CCN6: variants seen among roughly 807,000 people sequenced by gnomAD.
CCN6 encodes the protein CCN family member 6.
In CCN6, 31 loss-of-function variants were observed where a neutral mutation model predicts 37.4. The ratio of observed to expected loss-of-function variants is 0.83; its 90% CI spans 0.62 to 1.12. The LOEUF (loss-of-function observed/expected upper bound fraction) is 1.12, where lower values mean the gene tolerates loss of function less well. CCN6 is among the 50% of genes most tolerant of loss of function. CCN6 has a pLI of 0.00. For missense variants in CCN6, 369 were observed against 413.8 expected, an observed-to-expected ratio of 0.89 and a Z score of 0.94; for synonymous variants, 137 against 142.1, an observed-to-expected ratio of 0.96 and a Z score of 0.26.
At chr6:112,066,822 T>G in intron 3 of CCN6, 1 of 518,280 alleles carries the variant, frequency 1.9e-6, no homozygotes, top group Admixed American at 3.7e-5. Flanking sequence ...CTTTTTTCAA[T>G]GCTCACCAAA....
chr6:112,055,071 A>G (rs1554311554), intron 1 of CCN6, among the ~76,000 whole-genome samples: 1 of 152,216 alleles, frequency 6.6e-6, no homozygotes, highest in Non-Finnish European at 1.5e-5. Flanking sequence ...TTAATTGTTG[A>G]TTTATTTACA....
In CCN6 at chr6:112,055,154, G is replaced by C. The variant is rs983758589; in HGVS notation, c.48+749G>C. Among the ~76,000 whole-genome samples, 43 of 152,232 alleles carry C rather than the reference G, an allele frequency of 2.8e-4. 1 individual carries two copies. Among genetic ancestry groups the C allele is most frequent in the Non-Finnish European group, 5.9e-5 (4 of 68,036 alleles). The stretch of plus-strand genomic sequence containing the variant: ...TGGGTGTGTCTGTGAGTTAGTAGTT[G>C]ATTGGGGCCATAAGTAGTAGATACA... On this transcript the variant is annotated intron_variant, in intron 1 of 4. Coordinates refer to ENST00000368666, the MANE Select transcript of CCN6 (RefSeq NM_198239.2).
chr6:112,054,311 A>G lies in CCN6; in HGVS notation c.-47A>G. The G allele has an allele frequency of 6.2e-7, 1 of 1,614,030 alleles. No individual in the cohort carries two copies. Among genetic ancestry groups the G allele is most frequent in the Admixed American group, 1.7e-5 (1 of 60,010 alleles). ...CTTTGTGTACCCGGAGCAATGAACA[A>G]GCGGCGACTTCTCTACCCCTCAGGG... On this transcript the variant is annotated 5_prime_UTR_variant, in exon 1 of 5. Coordinates refer to ENST00000368666, the MANE Select transcript of CCN6 (RefSeq NM_198239.2).
chr6:112,061,090 T>C lies in CCN6; in HGVS notation c.148T>C (p.Trp50Arg), dbSNP rs35914692. The change falls in exon 2 of 5, where the codon TGG (tryptophan) becomes CGG (arginine). Residue 50 changes from tryptophan to arginine, a missense_variant. Physicochemically the swap from Trp to Arg is moderately radical, Grantham distance 101. Transcript: ENST00000368666. ...ACCTCAGCGTAAACAGTTTTGTCAC[T>C]GGCCCTGCAAATGCCCTCAGCAGAA... Reference protein sequence around the residue: ...DAPQRKQFCHWPCKCPQQKPR... With the variant: ...DAPQRKQFCHRPCKCPQQKPR... 9.7e-5 allele frequency: 157 copies of C among 1,614,198 alleles called. 1 individual carries two copies. In the African/African-American group the frequency reaches 1.9e-3, roughly 19 times the overall value.
At chr6:112,053,896 G>T (rs1554311238), upstream of CCN6, among the ~76,000 whole-genome samples, 1 of 152,026 alleles carries the variant, frequency 6.6e-6, no homozygotes, top group African/African-American at 2.4e-5. Context: ...CTGTACGTGA[G>T]GGTGAAGCTG....
intron 1 of CCN6, among the ~76,000 whole-genome samples, chr6:112,057,772 GGCAA>G (rs782450585): frequency 1.3e-5 from 2 of 152,098 alleles, no homozygotes; most frequent in Non-Finnish European, 2.9e-5. Flanking sequence ...TGTAGAATGA[GGCAA>G]GCAATACATT....
chr6:112,069,342 C>G lies in CCN6; in HGVS notation c.787C>G (p.Pro263Ala). ...DSNILKTIKI[P>A]KGKTCQPTFQ... ...TTCATTTTATCTATCTTTTCAGATT[C>G]CCAAAGGAAAAACATGCCAACCTAC... The change falls in exon 5 of 5, where the codon CCC (proline) becomes GCC (alanine). Residue 263 changes from proline to alanine, a missense_variant. By Grantham distance (27) the Pro-to-Ala change is conservative. Transcript: ENST00000368666. 1 of 1,612,836 alleles carries G rather than the reference C, an allele frequency of 6.2e-7. No individual in the cohort carries two copies. Among genetic ancestry groups the G allele is most frequent in the East Asian group, 2.2e-5 (1 of 44,816 alleles).
chr6:112,059,654 A>G (rs1016843479), intron 1 of CCN6, among the ~76,000 whole-genome samples: 2 of 152,238 alleles, frequency 1.3e-5, no homozygotes, highest in African/African-American at 4.8e-5. Flanking sequence ...GGTAACATAT[A>G]TGCACAGACT....
upstream of CCN6, among the ~76,000 whole-genome samples, chr6:112,053,869 G>A (rs375325916): frequency 3.7e-4 from 56 of 150,640 alleles, no homozygotes; most frequent in African/African-American, 1.3e-3. Flanking sequence ...TGTTGGTGGG[G>A]GGGCCAGGCC....
intron 1 of CCN6, among the ~76,000 whole-genome samples, chr6:112,058,761 A>G (rs587657089): frequency 6.6e-6 from 1 of 152,186 alleles, no homozygotes; most frequent in Non-Finnish European, 1.5e-5. Context: ...GCAAGACACG[A>G]GGAGGGCCCT....
intron 4 of CCN6, 38 bp downstream of exon 4, chr6:112,068,436 G>A: frequency 6.5e-7 from 1 of 1,547,662 alleles, no homozygotes. Flanking sequence ...TCAATATTAA[G>A]AGATTCCTGA....
intron 1 of CCN6, among the ~76,000 whole-genome samples, chr6:112,059,073 T>A (rs1443201040): frequency 6.6e-6 from 1 of 152,156 alleles, no homozygotes; most frequent in Non-Finnish European, 1.5e-5. Context: ...GTATCAAAGC[T>A]GGGTTGCAGT....
intron 4 of CCN6, among the ~76,000 whole-genome samples, 170 bp from the exon 5 acceptor site, chr6:112,069,169 C>T (rs1383069205): frequency 6.6e-6 from 1 of 152,048 alleles, no homozygotes; most frequent in African/African-American, 2.4e-5. Flanking sequence ...AGAGGACAGA[C>T]CTCTGATAAG....
chr6:112,067,026 C>T (rs1776717233), intron 3 of CCN6: 1 of 1,366,132 alleles, frequency 7.3e-7, no homozygotes, highest in East Asian at 4.5e-5. Context: ...TGTTGTCTAC[C>T]TTCCAGGTAT....
chr6:112,053,340 A>T (rs113078934), upstream of CCN6, among the ~76,000 whole-genome samples: 5,005 of 150,156 alleles, frequency 0.033, 264 homozygotes, highest in African/African-American at 0.12. Context: ...CTTGTCCCCC[A>T]GGCTGGAGTG....
chr6:112,055,145 TTAG>T (rs1776309220), intron 1 of CCN6, among the ~76,000 whole-genome samples: 3 of 152,158 alleles, frequency 2.0e-5, no homozygotes, highest in Admixed American at 2.0e-4. Context: ...TGTCTGTGAG[TTAG>T]TAGTTGATTG....
chr6:112,069,286 A>C, intron 4 of CCN6, 53 bp from the exon 5 acceptor site: 2 of 1,576,478 alleles, frequency 1.3e-6, no homozygotes, highest in Non-Finnish European at 1.7e-6. Flanking sequence ...ACATGTTTTC[A>C]AAACTATTGT....
upstream of CCN6, among the ~76,000 whole-genome samples, chr6:112,053,299 CTT>C (rs67916118): frequency 9.6e-3 from 1,361 of 142,470 alleles, 5 homozygotes; most frequent in Non-Finnish European, 0.012. Flanking sequence ...TATTTTTAAT[CTT>C]TTTTTTTTTT....
chr6:112,059,676 G>T (rs1400098048), intron 1 of CCN6, among the ~76,000 whole-genome samples: 1 of 152,190 alleles, frequency 6.6e-6, no homozygotes, highest in Non-Finnish European at 1.5e-5. Context: ...CAGGGATTAG[G>T]ACATGGACAT....
Sources: gnomAD v4.1 joint callset for allele counts (sites outside exome capture counted in the v4.1 genomes callset) on GRCh38, gnomAD v4.1.1 for gene constraint, MANE v1.5 for transcripts, NCBI Gene and HGNC (gene_info 2026-07-23, HGNC 2026-07-21) for gene names.